The following PAPPA2 variants were observed in gnomAD, a reference collection of about 807,000 sequenced individuals.
The protein encoded by PAPPA2 is pappalysin-2.
Under a neutral mutation model 176.4 loss-of-function variants are expected in PAPPA2, and 86 were observed. The ratio of observed to expected loss-of-function variants is 0.49; its 90% confidence interval spans 0.41 to 0.58. The LOEUF is 0.58. PAPPA2 is among the 20% of genes least tolerant of loss of function. The pLI is 0.00. For synonymous variants in PAPPA2, 809 were observed against 852.2 expected, an observed-to-expected ratio of 0.95 and a Z score of 0.88; for missense variants, 2,073 against 2,256.9, an observed-to-expected ratio of 0.92 and a Z score of 1.65.
intron 2 of PAPPA2, among the ~76,000 whole-genome samples, chr1:176,579,344 T>C (rs1168864431): frequency 6.6e-6 from 1 of 152,222 alleles, no homozygotes; most frequent in Non-Finnish European, 1.5e-5. Context: ...GCTCTTCCCA[T>C]TAGCCCCTCC....
intron 14 of PAPPA2, among the ~76,000 whole-genome samples, chr1:176,753,668 G>T (rs1663286677): frequency 6.8e-6 from 1 of 147,826 alleles, no homozygotes; most frequent in South Asian, 2.2e-4. Context: ...GTTCCTGAGT[G>T]ATGGGAAATG....
At chr1:176,720,848 C>T (rs1661582905) in intron 12 of PAPPA2, among the ~76,000 whole-genome samples, 2 of 152,110 alleles carry the variant, frequency 1.3e-5, no homozygotes, top group Non-Finnish European at 2.9e-5. Flanking sequence ...TCAGGAGCCC[C>T]CAAGAAGCTG....
chr1:176,632,234 T>C (rs1467185220), intron 3 of PAPPA2, among the ~76,000 whole-genome samples: 1 of 147,552 alleles, frequency 6.8e-6, no homozygotes, highest in Admixed American at 6.7e-5. Flanking sequence ...TAGTGATGTG[T>C]GTGTGTGTGT....
At chr1:176,634,147 T>C (rs1420577692) in intron 3 of PAPPA2, among the ~76,000 whole-genome samples, 1 of 152,198 alleles carries the variant, frequency 6.6e-6, no homozygotes, top group East Asian at 1.9e-4. Flanking sequence ...TGCACACGTA[T>C]GTTTATTGCA....
At chr1:176,615,447 A>G (rs1293239940) in intron 3 of PAPPA2, among the ~76,000 whole-genome samples, 7 of 152,084 alleles carry the variant, frequency 4.6e-5, no homozygotes, top group Admixed American at 3.9e-4. Context: ...AGTAGCTGGG[A>G]CTACAGGTGC....
At position 176,840,212 on chromosome 1, in the gene PAPPA2, C is replaced by A. The variant is rs760411237; in HGVS notation, c.5242C>A (p.Arg1748=). The part of the protein sequence containing the change: ...ADGWCDTINN[R]AYCHYDGGDC... Reference sequence around the variant, plus strand: ...TGGTTGGTGTGACACTATCAACAACCGAGCCTACTGCCACTATGACGGGGG... The same window carrying A: ...TGGTTGGTGTGACACTATCAACAACAGAGCCTACTGCCACTATGACGGGGG... The change falls in exon 22 of 23, where the codon CGA becomes AGA. Residue 1748 remains arginine (R), a synonymous_variant. Coordinates refer to ENST00000367662, the MANE Select transcript of PAPPA2 (RefSeq NM_020318.3). The A allele has an allele frequency of 6.2e-7, 1 of 1,613,436 alleles. No individual in the cohort carries two copies. The highest frequency in any genetic ancestry group is 1.1e-5 in the South Asian group (1 of 91,054).
intron 1 of PAPPA2, among the ~76,000 whole-genome samples, chr1:176,482,627 G>T (rs1340163842): frequency 6.6e-6 from 1 of 152,036 alleles, no homozygotes; most frequent in Non-Finnish European, 1.5e-5. Context: ...TTTTTTCCTG[G>T]CTCTGTTTTC....
chr1:176,769,657 C>A lies in PAPPA2; in HGVS notation c.4374C>A (p.Ser1458Arg), dbSNP rs975082037. 2 of 1,613,930 alleles carry A rather than the reference C, an allele frequency of 1.2e-6. No individual in the cohort carries two copies. The highest frequency in any genetic ancestry group is 1.7e-6 in the Non-Finnish European group (2 of 1,179,972). The change falls in exon 16 of 23, where the codon AGC becomes AGA. Residue 1458 changes from serine (S) to arginine (R), a missense_variant. This residue lies in a region of PAPPA2 where 846 missense variants were observed against 857.9 expected (regional missense o/e 0.99). Transcript: ENST00000367662. ...CTGGGCACTGGGACCAGAATGTGAG[C>A]TGCCTTCCCGTGGACTGCGGTGTTC... ...CSSGHWDQNV[S>R]CLPVDCGVPD... is the part of the protein sequence containing the mutation.
At chr1:176,491,535 A>T (rs549632503) in intron 1 of PAPPA2, among the ~76,000 whole-genome samples, 30 of 152,330 alleles carry the variant, frequency 2.0e-4, no homozygotes, top group African/African-American at 7.0e-4. Flanking sequence ...ATTGGGGGAA[A>T]GATAAAAAAT....
At chr1:176,602,883 C>T (rs912103414) in intron 3 of PAPPA2, among the ~76,000 whole-genome samples, 10 of 152,156 alleles carry the variant, frequency 6.6e-5, no homozygotes, top group Admixed American at 5.2e-4. Flanking sequence ...AGAAATGTCT[C>T]CTGTTTATTT....
Position 176,690,313 on chromosome 1 carries a change from G to A in PAPPA2, c.2314G>A (p.Ala772Thr), listed in dbSNP as rs1308227791. 1.2e-6 allele frequency: 2 copies of A among 1,614,122 alleles called. No individual in the cohort carries two copies. Among genetic ancestry groups the A allele is most frequent in the Admixed American group, 3.3e-5 (2 of 60,022 alleles). Residue 772 changes from alanine to threonine, a missense_variant, in exon 5 of 23, where the codon GCC becomes ACC. By Grantham distance (58) the Ala-to-Thr change is moderately conservative. This residue lies in a region of PAPPA2 where 1,196 missense variants were observed against 1,330.4 expected (regional missense o/e 0.90). Coordinates refer to ENST00000367662, the MANE Select transcript of PAPPA2 (RefSeq NM_020318.3). ...VPSMETGDLC[A>T]DTAPTPKSEL... is the part of the protein sequence containing the mutation. ...ATCCATGGAAACGGGAGACCTCTGT[G>A]CCGACACCGCCCCCACTCCCAAGAG...
intron 14 of PAPPA2, among the ~76,000 whole-genome samples, chr1:176,745,817 G>T (rs371091248): frequency 8.0e-4 from 122 of 152,306 alleles, no homozygotes; most frequent in African/African-American, 2.6e-3. Flanking sequence ...AGAATGGAAT[G>T]GGGCTGGTAG....
intron 4 of PAPPA2, among the ~76,000 whole-genome samples, chr1:176,684,129 A>C (rs1573247987): frequency 6.6e-6 from 1 of 152,256 alleles, no homozygotes; most frequent in East Asian, 1.9e-4. Context: ...CCAAAAAAGG[A>C]TTTCTTGTTT....
chr1:176,671,153 CAAA>C (rs754011221), intron 4 of PAPPA2, 38 bp downstream of exon 4: 3 of 1,604,830 alleles, frequency 1.9e-6, no homozygotes, highest in South Asian at 1.1e-5. Context: ...AGGAAAAAAA[CAAA>C]GAAGGCTGAA....
intron 17 of PAPPA2, among the ~76,000 whole-genome samples, chr1:176,789,490 C>CATGT (rs540904370): frequency 2.5e-4 from 38 of 152,148 alleles, no homozygotes; most frequent in African/African-American, 8.9e-4. Flanking sequence ...CAGCATGGTA[C>CATGT]ATGTATACCT....
At chr1:176,805,980 C>A (rs1201804476) in intron 21 of PAPPA2, among the ~76,000 whole-genome samples, 2 of 131,116 alleles carry the variant, frequency 1.5e-5, no homozygotes, top group Non-Finnish European at 3.1e-5. Flanking sequence ...AGAGCAAAAC[C>A]CTGTCTCTCT....
intron 3 of PAPPA2, among the ~76,000 whole-genome samples, chr1:176,626,577 C>A (rs547326706): frequency 6.6e-6 from 1 of 152,178 alleles, no homozygotes; most frequent in South Asian, 2.1e-4. Flanking sequence ...ACAAAAATTT[C>A]ATCATAGTAG....
Position 176,556,279 on chromosome 1 carries a change from C to T in PAPPA2, c.-44C>T. 1.3e-6 allele frequency: 2 copies of T among 1,566,934 alleles called. No individual in the cohort carries two copies. Among genetic ancestry groups the T allele is most frequent in the Non-Finnish European group, 1.7e-6 (2 of 1,149,736 alleles). On this transcript the variant is annotated 5_prime_UTR_variant, in exon 2 of 23. Transcript: ENST00000367662. ...GTCTGCCCATCACTCTGGTGTGGTA[C>T]CCAGAAGTTGACTTCTGGTTCTGTA...
chr1:176,525,840 C>T (rs1386151895), intron 1 of PAPPA2, among the ~76,000 whole-genome samples: 1 of 152,128 alleles, frequency 6.6e-6, no homozygotes, highest in Admixed American at 6.5e-5. Context: ...CAGTGTATTT[C>T]TTGCGTGTTC....
Sources: allele counts gnomAD v4.1 joint callset (sites outside exome capture counted in the v4.1 genomes callset), GRCh38; gene constraint gnomAD v4.1.1; regional missense constraint gnomAD v4.1.1; transcripts MANE v1.5; gene names NCBI Gene and HGNC (gene_info 2026-07-23, HGNC 2026-07-21).